Variants in FBXO11 observed in about 807,000 individuals in gnomAD.
FBXO11 encodes F-box protein 11.
Under a neutral mutation model 117.0 loss-of-function variants are expected in FBXO11, and 13 were observed. That is an observed-to-expected ratio of 0.11 (90% CI 0.07 to 0.18). FBXO11 has a LOEUF of 0.18. Among genes scored for constraint, FBXO11 ranks in the 10% least tolerant of loss-of-function variants. FBXO11 has a pLI of 1.00. For missense variants in FBXO11, 767 were observed against 1,164.4 expected (o/e 0.66, Z 4.97); for synonymous variants, 490 against 380.5 (o/e 1.29, Z -3.35).
chr2:47,815,429 A>G (rs189898023), intron 16 of FBXO11, among the ~76,000 whole-genome samples: 2 of 152,288 alleles, frequency 1.3e-5, no homozygotes, highest in Admixed American at 6.5e-5. Context: ...AGGAAAAGGA[A>G]TTCTGGTTTC....
chr2:47,866,477 T>G (rs1675205498), intron 1 of FBXO11, among the ~76,000 whole-genome samples: 2 of 151,782 alleles, frequency 1.3e-5, no homozygotes, highest in African/African-American at 4.8e-5. Flanking sequence ...CAAGTTTGTT[T>G]TTTTTTTTTT....
chr2:47,870,382 T>G (rs1675535518), intron 1 of FBXO11, among the ~76,000 whole-genome samples: 1 of 152,182 alleles, frequency 6.6e-6, no homozygotes, highest in African/African-American at 2.4e-5. Context: ...CCCTGATACC[T>G]GTGAACGTGG....
chr2:47,877,356 A>G (rs72876857), intron 1 of FBXO11, among the ~76,000 whole-genome samples: 5,439 of 152,230 alleles, frequency 0.036, 313 homozygotes, highest in African/African-American at 0.12. Context: ...ATTCACTTGA[A>G]TATCAATTAT....
At chr2:47,900,911 T>TACAC (rs1491477956) in intron 1 of FBXO11, among the ~76,000 whole-genome samples, 30 of 144,682 alleles carry the variant, frequency 2.1e-4, no homozygotes, top group South Asian at 4.2e-4. Context: ...CACATATATA[T>TACAC]GTATATATAT....
chr2:47,855,919 A>G (rs1674259664), intron 1 of FBXO11, among the ~76,000 whole-genome samples: 1 of 152,056 alleles, frequency 6.6e-6, no homozygotes, highest in Non-Finnish European at 1.5e-5. Flanking sequence ...AGATGAGCCT[A>G]CAACAGAAGA....
intron 16 of FBXO11, among the ~76,000 whole-genome samples, chr2:47,817,973 C>T (rs1010092749): frequency 6.6e-6 from 1 of 152,142 alleles, no homozygotes; most frequent in Admixed American, 6.5e-5. Context: ...TATGGAGAAA[C>T]CCCATCTCTA....
At chr2:47,896,381 G>C (rs1677667875) in intron 1 of FBXO11, among the ~76,000 whole-genome samples, 1 of 150,944 alleles carries the variant, frequency 6.6e-6, no homozygotes, top group South Asian at 2.1e-4. Flanking sequence ...CCAGGCTGGA[G>C]TGCAGTGGCT....
chr2:47,845,081 ACT>A (rs1673303315), intron 1 of FBXO11, among the ~76,000 whole-genome samples: 1 of 151,708 alleles, frequency 6.6e-6, no homozygotes, highest in South Asian at 2.1e-4. Context: ...ATCCTATACA[ACT>A]CCCTCCTCCT....
At chr2:47,883,325 C>T (rs373101556) in intron 1 of FBXO11, 14 of 173,822 alleles carry the variant, frequency 8.1e-5, no homozygotes, top group South Asian at 6.7e-4. Flanking sequence ...ACTCCTTTGA[C>T]GCTTTAAATA....
In FBXO11 at chr2:47,905,885, G is replaced by T; in HGVS notation, c.-165C>A. The T allele has an allele frequency of 1.3e-6, 1 of 747,024 alleles. No individual in the cohort carries two copies. Among genetic ancestry groups the T allele is most frequent in the Non-Finnish European group, 2.0e-6 (1 of 502,300 alleles). The allele number at this position is 747,024 out of a possible 1,614,324, so 46.3% of individuals were successfully genotyped here. A position where few individuals can be genotyped will look rare whatever the true frequency, so the allele number is the denominator to read the frequency against. On this transcript the variant is annotated 5_prime_UTR_variant, in exon 1 of 23. Coordinates refer to ENST00000403359, the MANE Select transcript of FBXO11 (RefSeq NM_001190274.2). ...GGGCGGAGGGGGCGAGCGGGACCCC[G>T]AGTCCGGAGAAAGGCCCGGGTAGAC... is the stretch of plus-strand genomic sequence containing the variant.
At chr2:47,819,243 GTC>G (rs1157438154) in intron 14 of FBXO11, among the ~76,000 whole-genome samples, 165 bp from the exon 15 acceptor site, 2 of 152,150 alleles carry the variant, frequency 1.3e-5, no homozygotes, top group African/African-American at 4.8e-5. Context: ...TTGAAATGGA[GTC>G]TCGCTCTGTC....
Position 47,834,670 on chromosome 2 carries a change from C to A in FBXO11, c.843G>T (p.Glu281Asp), listed in dbSNP as rs752953507. The part of the protein sequence containing the change: ...TIEDALGGVQ[E>D]AHFDGLIFVH... ...CAAAGATAAGTCCATCAAAATGAGCCTCTTGTACCCCACCAAGGGCATCTT... is the reference window on the plus strand; with the variant it reads ...CAAAGATAAGTCCATCAAAATGAGCATCTTGTACCCCACCAAGGGCATCTT... The change falls in exon 7 of 23, where the codon GAG becomes GAT. Residue 281 changes from glutamate (E) to aspartate (D), a missense_variant. Transcript: ENST00000403359. 1 of 1,612,200 alleles carries A rather than the reference C, an allele frequency of 6.2e-7. No individual in the cohort carries two copies. Among genetic ancestry groups the A allele is most frequent in the Non-Finnish European group, 8.5e-7 (1 of 1,179,048 alleles).
At chr2:47,862,630 A>G (rs1018535734) in intron 1 of FBXO11, among the ~76,000 whole-genome samples, 1 of 152,214 alleles carries the variant, frequency 6.6e-6, no homozygotes, top group South Asian at 2.1e-4. Context: ...CAAATCTCAA[A>G]ATATGCACAA....
At chr2:47,814,348 A>C (rs532789663) in intron 16 of FBXO11, 3 of 152,362 alleles carry the variant, frequency 2.0e-5, no homozygotes, top group Non-Finnish European at 2.9e-5. Context: ...AAAAATGCTC[A>C]TAACAATCTA....
chr2:47,837,460 G>C (rs1403144504), intron 4 of FBXO11, among the ~76,000 whole-genome samples: 2 of 152,214 alleles, frequency 1.3e-5, no homozygotes, highest in Non-Finnish European at 2.9e-5. Context: ...CCGGGAGGCA[G>C]AGGTTGCAGT....
chr2:47,878,157 G>GT (rs891800264), intron 1 of FBXO11, among the ~76,000 whole-genome samples: 1 of 152,022 alleles, frequency 6.6e-6, no homozygotes, highest in African/African-American at 2.4e-5. Context: ...TTCTTTTTCA[G>GT]TTTTTTCCTG....
intron 1 of FBXO11, among the ~76,000 whole-genome samples, chr2:47,899,816 A>G (rs749084455): frequency 3.9e-5 from 6 of 152,358 alleles, no homozygotes; most frequent in Non-Finnish European, 8.8e-5. Context: ...TACTTCAAAG[A>G]TAAGTGGGAC....
intron 1 of FBXO11, among the ~76,000 whole-genome samples, chr2:47,881,305 T>C (rs934104909): frequency 6.6e-6 from 1 of 152,214 alleles, no homozygotes; most frequent in Admixed American, 6.5e-5. Flanking sequence ...TGTCTTGTTA[T>C]GTATGTGGTT....
rs573011065 is a variant in FBXO11 at position 47,905,467 on chromosome 2, T to C, written c.232+22A>G. On this transcript the variant is annotated intron_variant, in intron 1 of 22. Transcript: ENST00000403359. ...CCGCGGTGCCCGGGAAGGCGGGCGG[T>C]TGGGAGGTAGCGCGGCCTTACCCCG... 217 of 1,208,688 alleles carry C rather than the reference T, an allele frequency of 1.8e-4. 1 individual carries two copies. In the African/African-American group the frequency reaches 3.0e-3, roughly 17 times the overall value. The allele number at this position is 1,208,688 out of a possible 1,614,324, so 74.9% of individuals were successfully genotyped here.
Sources: gnomAD v4.1 joint callset for allele counts (sites outside exome capture counted in the v4.1 genomes callset) on GRCh38, gnomAD v4.1.1 for gene constraint, MANE v1.5 for transcripts, NCBI Gene and HGNC (gene_info 2026-07-23, HGNC 2026-07-21) for gene names.